The following CC2D2A variants were observed in gnomAD, a reference collection of about 807,000 sequenced individuals.
The protein encoded by CC2D2A is coiled-coil and C2 domain-containing protein 2A.
A neutral mutation model predicts 212.9 loss-of-function variants in CC2D2A; 155 were observed. The observed-to-expected ratio is 0.73, with a 90% confidence interval of 0.64 to 0.83. The LOEUF is 0.83. Ranked by LOEUF, CC2D2A falls within the 40% of genes least tolerant of loss-of-function variation. The pLI, the probability that CC2D2A is intolerant of heterozygous loss-of-function variation, is 0.00. For synonymous variants in CC2D2A, 667 were observed against 686.5 expected, an observed-to-expected ratio of 0.97 and a Z score of 0.44; for missense variants, 1,856 against 1,956.2, an observed-to-expected ratio of 0.95 and a Z score of 0.97.
chr4:15,511,100 A>C (rs1245774406), intron 7 of CC2D2A, 147 bp from the exon 8 acceptor site: 1 of 807,208 alleles, frequency 1.2e-6, no homozygotes, highest in East Asian at 3.4e-5. Context: ...TATTACCAGT[A>C]GTCTCACACC....
intron 16 of CC2D2A, 116 bp from the exon 17 acceptor site, chr4:15,540,721 T>C: frequency 1.1e-6 from 1 of 907,368 alleles, no homozygotes; most frequent in Non-Finnish European, 1.7e-6. Flanking sequence ...AGGGCTGACA[T>C]GATTGGGAGA....
In CC2D2A at chr4:15,536,949, A is replaced by G. The variant is rs762110881; in HGVS notation, c.1637A>G (p.Glu546Gly). ...AAAGCTGACCAGAAAGCAGATGAAGAAGCATATGAAGCAGAAATTCAAGCT... is the reference window on the plus strand; with the variant it reads ...AAAGCTGACCAGAAAGCAGATGAAGGAGCATATGAAGCAGAAATTCAAGCT... ...KEKADQKADE[E>G]AYEAEIQAEI... The change falls in exon 15 of 37, where the codon GAA becomes GGA. Residue 546 changes from glutamate (E) to glycine (G), a missense_variant. Physicochemically the swap from Glu to Gly is moderately conservative, Grantham distance 98. Transcript: ENST00000424120. 6 of 1,613,900 alleles carry G rather than the reference A, an allele frequency of 3.7e-6. No homozygotes were observed. The highest frequency in any genetic ancestry group is 5.1e-6 in the Non-Finnish European group (6 of 1,179,794).
chr4:15,567,190 G>A (rs1352560924), intron 24 of CC2D2A, among the ~76,000 whole-genome samples, 187 bp from the exon 25 acceptor site: 1 of 152,000 alleles, frequency 6.6e-6, no homozygotes, highest in Non-Finnish European at 1.5e-5. Context: ...GGCTGAGGTG[G>A]GAGGATCACC....
At chr4:15,553,042 A>G (rs1651571886) in intron 18 of CC2D2A, 116 bp from the exon 19 acceptor site, 4 of 834,172 alleles carry the variant, frequency 4.8e-6, no homozygotes, top group Non-Finnish European at 7.0e-6. Context: ...CATGTGCTCC[A>G]TCTTCATCAC....
At chr4:15,576,331 A>AACAACCTGGAATTGTTT in intron 29 of CC2D2A, 1 of 974,330 alleles carries the variant, frequency 1.0e-6, no homozygotes, top group Non-Finnish European at 1.2e-6. Flanking sequence ...TTATAGGGTC[A>AACAACCTGGAATTGTTT]ACAACCTGGA....
At chr4:15,536,572 C>T (rs1478808925) in intron 14 of CC2D2A, among the ~76,000 whole-genome samples, 1 of 152,072 alleles carries the variant, frequency 6.6e-6, no homozygotes, top group African/African-American at 2.4e-5. Context: ...ATGAAATTTC[C>T]ACCACTATCA....
intron 16 of CC2D2A, among the ~76,000 whole-genome samples, chr4:15,540,056 GTTA>G (rs1269318807): frequency 6.6e-6 from 1 of 152,064 alleles, no homozygotes; most frequent in Non-Finnish European, 1.5e-5. Context: ...CTTAAAAATG[GTTA>G]AAGTGATAAA....
chr4:15,556,351 T>C (rs1445497202), intron 20 of CC2D2A, among the ~76,000 whole-genome samples: 1 of 152,226 alleles, frequency 6.6e-6, no homozygotes, highest in East Asian at 1.9e-4. Flanking sequence ...CCTTGGTTTA[T>C]TCTGACTTTT....
At position 15,541,027 on chromosome 4, in the gene CC2D2A, A is replaced by G; in HGVS notation, c.2181+13A>G. 1.3e-6 allele frequency: 2 copies of G among 1,523,968 alleles called. No homozygotes were observed. Among genetic ancestry groups the G allele is most frequent in the South Asian group, 1.3e-5 (1 of 79,794 alleles). The allele number at this position is 1,523,968 out of a possible 1,614,324, so 94.4% of individuals were successfully genotyped here. On this transcript the variant is annotated intron_variant, in intron 17 of 36. Transcript: ENST00000424120. The stretch of plus-strand genomic sequence containing the variant: ...TTTAACACTTCAGGTACACATTTTA[A>G]TTATAGTTACTGGCCGGGCACTGTG...
chr4:15,537,192 C>G (rs1718179434), intron 15 of CC2D2A, 116 bp downstream of exon 15: 7 of 812,758 alleles, frequency 8.6e-6, no homozygotes, highest in Non-Finnish European at 1.3e-5. Context: ...CTGTGGCTCC[C>G]TCTGTCTCTT....
At chr4:15,503,738 T>C (rs1312403295) in intron 6 of CC2D2A, among the ~76,000 whole-genome samples, 1 of 152,198 alleles carries the variant, frequency 6.6e-6, no homozygotes, top group Non-Finnish European at 1.5e-5. Context: ...AGAGTGAATT[T>C]CGTTCGTATT....
chr4:15,509,290 T>C (rs529940029), intron 6 of CC2D2A, among the ~76,000 whole-genome samples: 1 of 151,998 alleles, frequency 6.6e-6, no homozygotes, highest in African/African-American at 2.4e-5. Flanking sequence ...TTTTTTTTTT[T>C]TGAGATGGAG....
At chr4:15,474,224 G>A (rs1024442171) in intron 1 of CC2D2A, among the ~76,000 whole-genome samples, 1 of 152,186 alleles carries the variant, frequency 6.6e-6, no homozygotes, top group African/African-American at 2.4e-5. Context: ...GAAAGAACTT[G>A]TTCCAGGAGC....
intron 4 of CC2D2A, 89 bp downstream of exon 4, chr4:15,480,916 T>G: frequency 6.8e-7 from 1 of 1,464,692 alleles, no homozygotes; most frequent in South Asian, 1.4e-5. Flanking sequence ...TTATGGGTGT[T>G]ATTTTTCATG....
chr4:15,514,233 T>C (rs1716733191), intron 8 of CC2D2A, among the ~76,000 whole-genome samples: 1 of 152,238 alleles, frequency 6.6e-6, no homozygotes, highest in Non-Finnish European at 1.5e-5. Context: ...CTGTTTCAAG[T>C]TCCTCAGGCA....
At chr4:15,525,476 T>TCG (rs759953902) in intron 11 of CC2D2A, among the ~76,000 whole-genome samples, 13,752 of 152,170 alleles carry the variant, frequency 0.09, 776 homozygotes, top group Non-Finnish European at 0.12. Context: ...TAAAAACTAA[T>TCG]AATACTAATG....
intron 33 of CC2D2A, among the ~76,000 whole-genome samples, chr4:15,593,220 T>A (rs910837671): frequency 6.6e-6 from 1 of 152,220 alleles, no homozygotes; most frequent in African/African-American, 2.4e-5. Flanking sequence ...GCCCTATGTA[T>A]GCAGTGCAAT....
intron 25 of CC2D2A, 65 bp from the exon 26 acceptor site, chr4:15,567,612 T>C (rs1427306102): frequency 1.5e-6 from 2 of 1,369,434 alleles, no homozygotes; most frequent in Non-Finnish European, 2.0e-6. Context: ...ATATACTCTA[T>C]TTTTGCTAAG....
chr4:15,589,776 T>C (rs1721012898), intron 33 of CC2D2A, 97 bp downstream of exon 33: 3 of 411,732 alleles, frequency 7.3e-6, no homozygotes, highest in Non-Finnish European at 1.1e-5. Context: ...AAAATATTTA[T>C]ATAAATGAAT....
Sources: allele counts gnomAD v4.1 joint callset (sites outside exome capture counted in the v4.1 genomes callset), GRCh38; gene constraint gnomAD v4.1.1; transcripts MANE v1.5; gene names NCBI Gene and HGNC (gene_info 2026-07-23, HGNC 2026-07-21).